The following SLC5A4 variants were observed in gnomAD, a reference collection of about 807,000 sequenced individuals.
The protein encoded by SLC5A4 is probable glucose sensor protein SLC5A4.
Under a neutral mutation model 70.3 loss-of-function variants are expected in SLC5A4, and 55 were observed. The ratio of observed to expected loss-of-function variants is 0.78; its 90% CI spans 0.63 to 0.98. The LOEUF (loss-of-function observed/expected upper bound fraction) is 0.98. Among genes scored for constraint, SLC5A4 ranks in the 50% least tolerant of loss-of-function variants. The pLI, the probability that SLC5A4 is intolerant of heterozygous loss-of-function variation, is 0.00. For missense variants in SLC5A4, 735 were observed against 839.2 expected (o/e 0.88, Z 1.53); for synonymous variants, 268 against 305.7 (o/e 0.88, Z 1.29).
chr22:32,274,207 T>A, the SLC5A4 span, among the ~76,000 whole-genome samples: 1 of 151,788 alleles, frequency 6.6e-6, no homozygotes, highest in East Asian at 1.9e-4. Context: ...GCCTGGCTAA[T>A]TTTTTTTGTA....
the SLC5A4 span, among the ~76,000 whole-genome samples, chr22:32,292,834 T>C: frequency 6.6e-6 from 1 of 152,190 alleles, no homozygotes; most frequent in Non-Finnish European, 1.5e-5. Context: ...TACTTATTTT[T>C]CATCTGATTG....
At chr22:32,239,167 A>G (rs991839950) in intron 5 of SLC5A4, 77 bp from the exon 6 acceptor site, 1 of 1,009,082 alleles carries the variant, frequency 9.9e-7, no homozygotes, top group Non-Finnish European at 1.5e-6. Context: ...TGTCCACTCT[A>G]CTCAACCCTT....
At chr22:32,274,713 G>A in the SLC5A4 span, among the ~76,000 whole-genome samples, 1 of 152,292 alleles carries the variant, frequency 6.6e-6, no homozygotes, top group Admixed American at 6.5e-5. Context: ...AATAGAACAT[G>A]TGCTGCGATT....
the SLC5A4 span, among the ~76,000 whole-genome samples, chr22:32,319,757 C>T: frequency 6.6e-6 from 1 of 152,154 alleles, no homozygotes. Flanking sequence ...TTAAAATTAT[C>T]CTTTACCTCA....
At chr22:32,310,382 A>T in the SLC5A4 span, among the ~76,000 whole-genome samples, 16 of 152,172 alleles carry the variant, frequency 1.1e-4, no homozygotes, top group Non-Finnish European at 2.1e-4. Context: ...AGCTGATGTC[A>T]GAATCTGGGT....
the SLC5A4 span, among the ~76,000 whole-genome samples, chr22:32,348,341 G>C: frequency 1.3e-5 from 2 of 152,234 alleles, no homozygotes; most frequent in Non-Finnish European, 2.9e-5. Context: ...CAACTCTCCT[G>C]TGTGTATCCA....
intron 8 of SLC5A4, among the ~76,000 whole-genome samples, chr22:32,234,212 T>C (rs1925927606): frequency 6.6e-6 from 1 of 152,208 alleles, no homozygotes; most frequent in African/African-American, 2.4e-5. Context: ...CATTTATTCC[T>C]AGTGAGCTCC....
the SLC5A4 span, among the ~76,000 whole-genome samples, chr22:32,302,722 A>G: frequency 1.3e-5 from 2 of 152,172 alleles, no homozygotes; most frequent in African/African-American, 2.4e-5. Flanking sequence ...TGATTGTTAT[A>G]GCTATATAAG....
At chr22:32,261,695 GTGTT>G in the SLC5A4 span, among the ~76,000 whole-genome samples, 3 of 152,350 alleles carry the variant, frequency 2.0e-5, no homozygotes, top group South Asian at 6.2e-4. Flanking sequence ...GGGCAACTTT[GTGTT>G]TGTTTGTTTT....
chr22:32,245,071 T>C (rs1926739338), intron 5 of SLC5A4, among the ~76,000 whole-genome samples: 1 of 152,180 alleles, frequency 6.6e-6, no homozygotes, highest in Non-Finnish European at 1.5e-5. Context: ...CAAATCTCAA[T>C]ACATATGTTA....
At chr22:32,219,085 G>A (rs1258360317) in intron 14 of SLC5A4, among the ~76,000 whole-genome samples, 1 of 152,118 alleles carries the variant, frequency 6.6e-6, no homozygotes, top group African/African-American at 2.4e-5. Context: ...AAAGAAAAAA[G>A]ACACATGGTT....
the SLC5A4 span, among the ~76,000 whole-genome samples, chr22:32,306,467 AAAAAAAAAAAC>A: frequency 1.3e-5 from 1 of 75,762 alleles, no homozygotes; most frequent in Non-Finnish European, 2.3e-5. Flanking sequence ...CTCGGTCTCA[AAAAAAAAAAAC>A]AAAAACTACT....
At position 32,254,038 on chromosome 22, in the gene SLC5A4, C is replaced by T. The variant is rs1188468310; in HGVS notation, c.207+104G>A. 16 of 907,116 alleles carry T rather than the reference C, an allele frequency of 1.8e-5. 1 individual carries two copies. Among genetic ancestry groups the T allele is most frequent in the Middle Eastern group, 2.1e-4 (1 of 4,722 alleles). 56.2% of individuals were successfully genotyped at this position (907,116 alleles called of 1,614,324 possible). The stretch of plus-strand genomic sequence containing the variant: ...TCAGATGATCTGCCAGCCTTGGCCT[C>T]CCAAAGTGCTGGGATTACAGGCGTG... On this transcript the variant is annotated intron_variant, in intron 2 of 14. Transcript: ENST00000266086.
intron 11 of SLC5A4, among the ~76,000 whole-genome samples, chr22:32,227,610 C>T (rs916414255): frequency 3.9e-5 from 6 of 152,164 alleles, no homozygotes; most frequent in Non-Finnish European, 5.9e-5. Context: ...CATAGCAACA[C>T]GGTTGAATGT....
the SLC5A4 span, among the ~76,000 whole-genome samples, chr22:32,309,824 C>T: frequency 6.6e-6 from 1 of 151,674 alleles, no homozygotes; most frequent in Non-Finnish European, 1.5e-5. Flanking sequence ...GTGGGGGTGA[C>T]CTGCGGGAAG....
chr22:32,298,182 G>A, the SLC5A4 span, among the ~76,000 whole-genome samples: 3,358 of 146,900 alleles, frequency 0.023, 134 homozygotes, highest in African/African-American at 0.08. Context: ...GCTTGGTGCA[G>A]AGCTGAGTTC....
chr22:32,347,156 T>C, the SLC5A4 span, among the ~76,000 whole-genome samples: 1 of 152,222 alleles, frequency 6.6e-6, no homozygotes, highest in African/African-American at 2.4e-5. Context: ...CACAATGAGA[T>C]ACCATCTCAC....
At chr22:32,288,515 G>A in the SLC5A4 span, among the ~76,000 whole-genome samples, 4 of 152,132 alleles carry the variant, frequency 2.6e-5, no homozygotes, top group African/African-American at 9.7e-5. Context: ...GCATGAATGA[G>A]ATAACATATT....
chr22:32,312,867 T>C, the SLC5A4 span, among the ~76,000 whole-genome samples: 1 of 152,144 alleles, frequency 6.6e-6, no homozygotes, highest in Non-Finnish European at 1.5e-5. Flanking sequence ...GTCTCCTCAA[T>C]GGGGACTCAC....
Sources: allele counts gnomAD v4.1 joint callset (sites outside exome capture counted in the v4.1 genomes callset), GRCh38; gene constraint gnomAD v4.1.1; transcripts MANE v1.5; gene names NCBI Gene and HGNC (gene_info 2026-07-23, HGNC 2026-07-21).